Variants in TNKS observed in about 807,000 individuals in gnomAD.
TNKS encodes the protein tankyrase.
TNKS carries 72 observed loss-of-function variants against 135.8 expected under a neutral mutation model. The observed-to-expected ratio is 0.53, with a 90% CI of 0.44 to 0.64. The LOEUF is 0.64. Ranked by LOEUF, TNKS falls within the 30% of genes least tolerant of loss-of-function variation. TNKS has a pLI of 0.00. For synonymous variants in TNKS, 849 were observed against 649.3 expected, an observed-to-expected ratio of 1.31 and a Z score of -4.68; for missense variants, 1,769 against 1,674.0, an observed-to-expected ratio of 1.06 and a Z score of -0.99.
At chr8:9,637,428 C>T (rs1800554259) in intron 3 of TNKS, among the ~76,000 whole-genome samples, 1 of 152,078 alleles carries the variant, frequency 6.6e-6, no homozygotes, top group Non-Finnish European at 1.5e-5. Context: ...AAATGGGCCC[C>T]AGGTGAATAA....
intron 1 of TNKS, among the ~76,000 whole-genome samples, chr8:9,569,745 A>G (rs556923606): frequency 1.3e-5 from 2 of 152,224 alleles, no homozygotes; most frequent in Non-Finnish European, 2.9e-5. Flanking sequence ...CTTTTAAAAG[A>G]CAATTGGCAT....
intron 2 of TNKS, among the ~76,000 whole-genome samples, chr8:9,613,335 C>T (rs1799529782): frequency 6.6e-6 from 1 of 152,168 alleles, no homozygotes; most frequent in East Asian, 1.9e-4. Context: ...GTCATGCTCC[C>T]TGACCAGCAC....
chr8:9,721,213 C>T (rs920505910), intron 12 of TNKS, among the ~76,000 whole-genome samples: 5 of 149,452 alleles, frequency 3.3e-5, no homozygotes, highest in African/African-American at 4.9e-5. Flanking sequence ...ACGCGGGAGG[C>T]GGAGGTTGCA....
intron 1 of TNKS, among the ~76,000 whole-genome samples, chr8:9,576,733 A>G (rs1042067166): frequency 2.0e-5 from 3 of 152,114 alleles, no homozygotes; most frequent in Non-Finnish European, 2.9e-5. Flanking sequence ...TTGGGTGGGG[A>G]CACAGAGCCA....
chr8:9,649,219 C>G (rs1801039180), intron 3 of TNKS, among the ~76,000 whole-genome samples: 1 of 152,212 alleles, frequency 6.6e-6, no homozygotes, highest in Non-Finnish European at 1.5e-5. Flanking sequence ...GCTACTTGAA[C>G]TACCATAGGA....
chr8:9,728,356 T>G (rs989377842), intron 13 of TNKS, among the ~76,000 whole-genome samples: 5 of 152,206 alleles, frequency 3.3e-5, no homozygotes, highest in Non-Finnish European at 7.3e-5. Flanking sequence ...GTAGGAAGGA[T>G]GTGAAATTGC....
At chr8:9,577,488 C>T (rs999303894) in intron 1 of TNKS, among the ~76,000 whole-genome samples, 10 of 152,016 alleles carry the variant, frequency 6.6e-5, no homozygotes, top group Non-Finnish European at 1.0e-4. Context: ...AATTCACAGT[C>T]GTGACGGGAG....
intron 3 of TNKS, chr8:9,658,562 C>T: frequency 6.2e-6 from 2 of 323,522 alleles, no homozygotes; most frequent in Middle Eastern, 9.5e-4. Flanking sequence ...CCAGGCCTGC[C>T]CTAAAAGAGC....
At chr8:9,681,360 A>G (rs1802774416) in intron 5 of TNKS, among the ~76,000 whole-genome samples, 1 of 152,164 alleles carries the variant, frequency 6.6e-6, no homozygotes, top group African/African-American at 2.4e-5. Flanking sequence ...CTATATTAAT[A>G]TGCAGTTGCC....
intron 5 of TNKS, among the ~76,000 whole-genome samples, chr8:9,691,060 G>A (rs1044882076): frequency 6.6e-6 from 1 of 152,150 alleles, no homozygotes; most frequent in African/African-American, 2.4e-5. Context: ...TCAATTTAGG[G>A]TGTCACATTT....
chr8:9,703,132 C>T (rs181698741), intron 5 of TNKS, among the ~76,000 whole-genome samples: 102 of 152,270 alleles, frequency 6.7e-4, no homozygotes, highest in African/African-American at 2.4e-3. Context: ...ATGCCTGAAG[C>T]CTCGGATAGT....
chr8:9,766,214 A>T, intron 24 of TNKS, 25 bp from the exon 25 acceptor site: 1 of 1,583,518 alleles, frequency 6.3e-7, no homozygotes, highest in Non-Finnish European at 8.6e-7. Flanking sequence ...TTCAAAAACG[A>T]ATCTTTCTGT....
chr8:9,677,179 G>T (rs994296742), intron 3 of TNKS, among the ~76,000 whole-genome samples: 1 of 152,172 alleles, frequency 6.6e-6, no homozygotes, highest in Admixed American at 6.5e-5. Context: ...GATAGTGGAT[G>T]CTAGAATGTA....
intron 2 of TNKS, among the ~76,000 whole-genome samples, chr8:9,599,342 A>G (rs2128758171): frequency 6.6e-6 from 1 of 152,320 alleles, no homozygotes; most frequent in African/African-American, 2.4e-5. Flanking sequence ...GTTATGTGCA[A>G]AGAGCCAAGC....
At chr8:9,658,867 T>A (rs2128786134) in intron 3 of TNKS, among the ~76,000 whole-genome samples, 1 of 151,980 alleles carries the variant, frequency 6.6e-6, no homozygotes, top group Middle Eastern at 3.4e-3. Flanking sequence ...ACACATAGGC[T>A]CAAAATAAAG....
chr8:9,595,652 C>T (rs1353312348), intron 2 of TNKS, among the ~76,000 whole-genome samples: 1 of 151,872 alleles, frequency 6.6e-6, no homozygotes, highest in East Asian at 1.9e-4. Flanking sequence ...TTAAGAAATA[C>T]ATTGAAGATG....
chr8:9,586,628 A>G (rs1054849903), intron 2 of TNKS, among the ~76,000 whole-genome samples: 4 of 152,122 alleles, frequency 2.6e-5, no homozygotes, highest in Admixed American at 6.5e-5. Context: ...ATCAACCCAG[A>G]TAAGATCTTG....
At chr8:9,576,110 G>T (rs569312133) in intron 1 of TNKS, among the ~76,000 whole-genome samples, 3 of 152,138 alleles carry the variant, frequency 2.0e-5, no homozygotes, top group Non-Finnish European at 4.4e-5. Flanking sequence ...TGACAGAGCA[G>T]AATGAAATTA....
chr8:9,680,667 T>G (rs1485563973), intron 4 of TNKS, 58 bp from the exon 5 acceptor site: 4 of 1,266,224 alleles, frequency 3.2e-6, no homozygotes, highest in Non-Finnish European at 4.6e-6. Flanking sequence ...AAATTATGCA[T>G]AAATATTCAT....
Sources: allele counts gnomAD v4.1 joint callset (sites outside exome capture counted in the v4.1 genomes callset), GRCh38; gene constraint gnomAD v4.1.1; transcripts MANE v1.5; gene names NCBI Gene and HGNC (gene_info 2026-07-23, HGNC 2026-07-21).